Variants in CPEB2 observed in about 807,000 individuals in gnomAD.
CPEB2 encodes the protein cytoplasmic polyadenylation element binding protein 2.
In CPEB2, 56 loss-of-function variants were observed where a neutral mutation model predicts 93.6. The ratio of observed to expected loss-of-function variants is 0.60; its 90% confidence interval spans 0.48 to 0.75. The LOEUF (loss-of-function observed/expected upper bound fraction) is 0.75. CPEB2 is among the 30% of genes least tolerant of loss of function. The pLI is 0.00. For missense variants in CPEB2, 1,579 were observed against 1,395.1 expected (o/e 1.13, Z -2.10); for synonymous variants, 764 against 586.3 (o/e 1.30, Z -4.38).
chr4:15,003,456 C>A lies in CPEB2; in HGVS notation c.783C>A (p.Leu261=), dbSNP rs956788042. Residue 261 remains leucine, a synonymous_variant, in exon 1 of 12, where the codon CTC becomes CTA. Coordinates refer to ENST00000538197, the MANE Select transcript of CPEB2 (RefSeq NM_001177382.2). ...AGCGTCCGGCAGACCTGCCCCCGCT[C>A]CCGCAGCTCCCTCCCTCGCCGCCTG... ...PRQRPADLPP[L]PQLPPSPPAA... 2.2e-6 allele frequency: 3 copies of A among 1,367,792 alleles called. 1 individual carries two copies. The highest frequency in any genetic ancestry group is 3.5e-5 in the South Asian group (2 of 56,920). 84.7% of individuals were successfully genotyped at this position (1,367,792 alleles called of 1,614,324 possible). A position where few individuals can be genotyped will look rare whatever the true frequency, so the allele number is the denominator to read the frequency against.
chr4:15,029,632 C>T (rs1725866706), intron 4 of CPEB2, among the ~76,000 whole-genome samples: 1 of 151,912 alleles, frequency 6.6e-6, no homozygotes, highest in Admixed American at 6.6e-5. Flanking sequence ...TGTTTGTAAG[C>T]TTAGGTTCAT....
Position 15,061,771 on chromosome 4 carries a change from A to C in CPEB2, c.2696-308A>C, listed in dbSNP as rs76467722. Among the ~76,000 whole-genome samples the C allele has an allele frequency of 6.8e-3, 982 of 144,426 alleles. 15 individuals carry two copies. Among genetic ancestry groups the C allele is most frequent in the African/African-American group, 0.024 (927 of 38,500 alleles). 94.7% of individuals were successfully genotyped at this position (144,426 alleles called of 152,430 possible). ...AGTGTCCTAAGTGAGAGTGTATGGGATCTAGTATGCAAGTGAAAGGATTGG... is the reference window on the plus strand; with the variant it reads ...AGTGTCCTAAGTGAGAGTGTATGGGCTCTAGTATGCAAGTGAAAGGATTGG... On this transcript the variant is annotated intron_variant, in intron 10 of 11. Transcript: ENST00000538197.
chr4:15,024,634 C>T (rs1725224506), intron 4 of CPEB2, among the ~76,000 whole-genome samples: 1 of 151,808 alleles, frequency 6.6e-6, no homozygotes, highest in South Asian at 2.1e-4. Flanking sequence ...ACGTACCTTC[C>T]TTCCTGCCTT....
chr4:15,008,260 TTTTC>T (rs1214641574), intron 2 of CPEB2, 74 bp from the exon 3 acceptor site: 184 of 1,006,520 alleles, frequency 1.8e-4, no homozygotes, highest in South Asian at 4.3e-4. Flanking sequence ...TTATTTTTTG[TTTTC>T]TTTCTTTCTT....
At chr4:15,014,141 C>T (rs562712761) in intron 3 of CPEB2, among the ~76,000 whole-genome samples, 2 of 151,948 alleles carry the variant, frequency 1.3e-5, no homozygotes, top group Non-Finnish European at 2.9e-5. Flanking sequence ...GGTACTTTCC[C>T]CTACACCTCC....
At chr4:15,060,765 G>A (rs1451251578) in intron 10 of CPEB2, among the ~76,000 whole-genome samples, 1 of 152,054 alleles carries the variant, frequency 6.6e-6, no homozygotes, top group Non-Finnish European at 1.5e-5. Context: ...TTTTTTAAGA[G>A]AATCACTCTT....
intron 3 of CPEB2, among the ~76,000 whole-genome samples, chr4:15,009,933 C>T (rs1034327170): frequency 6.6e-6 from 1 of 152,140 alleles, no homozygotes; most frequent in Non-Finnish European, 1.5e-5. Context: ...CTGCTTTTAC[C>T]TGTATTATAA....
chr4:15,013,853 A>G (rs1374457793), intron 3 of CPEB2, among the ~76,000 whole-genome samples: 2 of 152,048 alleles, frequency 1.3e-5, no homozygotes, highest in East Asian at 3.8e-4. Flanking sequence ...TTCCTAGAGT[A>G]GGAGTTTAGG....
chr4:15,045,126 T>C (rs1334226935), intron 6 of CPEB2, among the ~76,000 whole-genome samples: 1 of 152,162 alleles, frequency 6.6e-6, no homozygotes. Flanking sequence ...GAAGGAAGGC[T>C]TTTTCCCTCT....
At chr4:15,064,418 A>C (rs1262727793) in intron 11 of CPEB2, among the ~76,000 whole-genome samples, 2 of 152,098 alleles carry the variant, frequency 1.3e-5, no homozygotes, top group African/African-American at 4.8e-5. Flanking sequence ...AATATCTAGA[A>C]TTTTAAAAAT....
chr4:15,041,077 C>G (rs1471048712), intron 6 of CPEB2, among the ~76,000 whole-genome samples: 2 of 152,014 alleles, frequency 1.3e-5, no homozygotes, highest in Admixed American at 1.3e-4. Flanking sequence ...CCCTCCCCCA[C>G]AAAAGTATTC....
chr4:15,014,283 AAT>A (rs1279743056), intron 3 of CPEB2, among the ~76,000 whole-genome samples: 4 of 152,098 alleles, frequency 2.6e-5, no homozygotes, highest in South Asian at 2.1e-4. Context: ...CATGAACTGT[AAT>A]ATATTTCCTT....
intron 5 of CPEB2, among the ~76,000 whole-genome samples, chr4:15,034,933 T>C (rs1443355166): frequency 6.6e-6 from 1 of 152,194 alleles, no homozygotes; most frequent in East Asian, 1.9e-4. Flanking sequence ...AATTCAGCTA[T>C]ATTCTTAGCA....
At chr4:15,022,144 G>A (rs1271602065) in intron 4 of CPEB2, among the ~76,000 whole-genome samples, 1 of 152,128 alleles carries the variant, frequency 6.6e-6, no homozygotes, top group Non-Finnish European at 1.5e-5. Context: ...GGTTTTCAGG[G>A]CCCACCCTAG....
intron 6 of CPEB2, among the ~76,000 whole-genome samples, chr4:15,041,911 G>A (rs1049919474): frequency 1.3e-5 from 2 of 152,060 alleles, no homozygotes; most frequent in African/African-American, 4.8e-5. Flanking sequence ...TGGTTCTTCA[G>A]TTTTCTAACT....
rs1729834932 is a variant in CPEB2 at position 15,068,153 on chromosome 4, T to G, written c.*1773T>G. The G allele has an allele frequency of 6.6e-6, 1 of 152,386 alleles. No individual in the cohort carries two copies. Among genetic ancestry groups the G allele is most frequent in the Admixed American group, 6.6e-5 (1 of 15,226 alleles). 9.4% of individuals were successfully genotyped at this position (152,386 alleles called of 1,614,324 possible). The stretch of plus-strand genomic sequence containing the variant: ...GAGAGAAAATTACAAGGGTGTTGCC[T>G]TATAGCAAACCCTTGGGACAATCCT... On this transcript the variant is annotated 3_prime_UTR_variant, in exon 12 of 12. Coordinates refer to ENST00000538197, the MANE Select transcript of CPEB2 (RefSeq NM_001177382.2).
intron 5 of CPEB2, among the ~76,000 whole-genome samples, chr4:15,038,392 T>G (rs1726839521): frequency 6.6e-6 from 1 of 152,174 alleles, no homozygotes; most frequent in East Asian, 1.9e-4. Flanking sequence ...GATGAAAATA[T>G]TTTTATTTGC....
At chr4:15,038,279 G>A (rs760383814) in intron 5 of CPEB2, among the ~76,000 whole-genome samples, 3 of 152,178 alleles carry the variant, frequency 2.0e-5, no homozygotes, top group South Asian at 2.1e-4. Flanking sequence ...GTATTGAGTA[G>A]CCTCAGCTAA....
intron 4 of CPEB2, among the ~76,000 whole-genome samples, chr4:15,027,176 T>A (rs1314347850): frequency 6.6e-6 from 1 of 152,190 alleles, no homozygotes; most frequent in Non-Finnish European, 1.5e-5. Flanking sequence ...TTTTCTTGAA[T>A]CAAAACTTTT....
Sources: allele counts gnomAD v4.1 joint callset (sites outside exome capture counted in the v4.1 genomes callset), GRCh38; gene constraint gnomAD v4.1.1; transcripts MANE v1.5; gene names NCBI Gene and HGNC (gene_info 2026-07-23, HGNC 2026-07-21).